The following COL26A1 variants were observed in gnomAD, a reference collection of about 807,000 sequenced individuals.
The protein encoded by COL26A1 is collagen alpha-1(XXVI) chain.
A neutral mutation model predicts 59.3 loss-of-function variants in COL26A1; 41 were observed. The ratio of observed to expected loss-of-function variants is 0.69; its 90% confidence interval spans 0.54 to 0.90. COL26A1 has a LOEUF of 0.90. Among genes scored for constraint, COL26A1 ranks in the 40% least tolerant of loss-of-function variants. The probability of loss-of-function intolerance (pLI) is 0.00; values close to 1 mark genes in which losing one functional copy is unlikely to be tolerated. For synonymous variants in COL26A1, 266 were observed against 256.0 expected, an observed-to-expected ratio of 1.04 and a Z score of -0.37; for missense variants, 612 against 602.3, an observed-to-expected ratio of 1.02 and a Z score of -0.17.
chr7:101,534,953 T>C (rs1418144354), intron 4 of COL26A1, among the ~76,000 whole-genome samples: 3 of 152,170 alleles, frequency 2.0e-5, no homozygotes, highest in Non-Finnish European at 4.4e-5. Flanking sequence ...AGTCAAGGAT[T>C]AGTGCTGTCA....
chr7:101,404,667 A>G (rs953709661), intron 1 of COL26A1, among the ~76,000 whole-genome samples: 1 of 152,018 alleles, frequency 6.6e-6, no homozygotes, highest in African/African-American at 2.4e-5. Flanking sequence ...AGGCTGAAGT[A>G]GGAGGATTGC....
At chr7:101,369,282 C>G (rs1401009180) in intron 1 of COL26A1, among the ~76,000 whole-genome samples, 1 of 151,738 alleles carries the variant, frequency 6.6e-6, no homozygotes, top group Non-Finnish European at 1.5e-5. Flanking sequence ...TGGCGCATGC[C>G]TGTAATCCCA....
intron 3 of COL26A1, among the ~76,000 whole-genome samples, chr7:101,478,192 G>T (rs1794089615): frequency 6.6e-6 from 1 of 152,040 alleles, no homozygotes; most frequent in South Asian, 2.1e-4. Flanking sequence ...TGTTAGCTAG[G>T]CTGGTCTTGA....
At chr7:101,460,231 G>A (rs890159886) in intron 3 of COL26A1, among the ~76,000 whole-genome samples, 3 of 152,100 alleles carry the variant, frequency 2.0e-5, no homozygotes, top group African/African-American at 7.2e-5. Context: ...AGAGTGTGCA[G>A]GGGCCAGAGG....
chr7:101,513,499 G>T (rs531066059), intron 3 of COL26A1, among the ~76,000 whole-genome samples: 1 of 151,022 alleles, frequency 6.6e-6, no homozygotes, highest in East Asian at 2.0e-4. Context: ...GCTAATTTTT[G>T]TATTTTTGTA....
At chr7:101,540,197 A>G in intron 5 of COL26A1, 148 bp downstream of exon 5, 1 of 841,998 alleles carries the variant, frequency 1.2e-6, no homozygotes, top group South Asian at 2.1e-5. Context: ...TAACAGTTGA[A>G]AATGGGTATT....
chr7:101,444,153 CAGGTGT>C (rs1793127586), intron 2 of COL26A1, among the ~76,000 whole-genome samples: 1 of 152,050 alleles, frequency 6.6e-6, no homozygotes, highest in East Asian at 1.9e-4. Context: ...GCTAGGACTA[CAGGTGT>C]AACCCCTACT....
intron 3 of COL26A1, among the ~76,000 whole-genome samples, chr7:101,519,565 C>T (rs1452283691): frequency 6.6e-5 from 10 of 152,190 alleles, no homozygotes; most frequent in Non-Finnish European, 2.9e-5. Flanking sequence ...TATGCATGTG[C>T]ACCTTCTGAG....
chr7:101,545,637 C>G, intron 7 of COL26A1, 147 bp downstream of exon 7: 1 of 760,032 alleles, frequency 1.3e-6, no homozygotes, highest in Non-Finnish European at 2.0e-6. Context: ...CAGGCCTCCT[C>G]CAGGAAGCCC....
Position 101,489,671 on chromosome 7 carries a change from TCCTTCCTTC to T in COL26A1, c.385+41886_385+41894del, listed in dbSNP as rs1168696802. ...TTTCTTTCTTTCTTTCTTCCTTCCTTCCTTCCTTCCTTTCTTTCTTTCTTTCTGTCTTTC... is the reference window on the plus strand; with the variant it reads ...TTTCTTTCTTTCTTTCTTCCTTCCTTCTTTCTTTCTTTCTTTCTGTCTTTC... On this transcript the variant is annotated intron_variant, in intron 3 of 12. Transcript: ENST00000313669. Among the ~76,000 whole-genome samples the T allele has an allele frequency of 4.3e-4, 22 of 51,376 alleles. 3 individuals carry two copies. The highest frequency in any genetic ancestry group is 3.2e-3 in the African/African-American group (16 of 5,008). The allele number at this position is 51,376 out of a possible 152,430, so 33.7% of individuals were successfully genotyped here.
At chr7:101,460,176 T>C (rs6973489) in intron 3 of COL26A1, among the ~76,000 whole-genome samples, 93,708 of 151,966 alleles carry the variant, frequency 0.62, 30,433 homozygotes, top group African/African-American at 0.82. Context: ...CATTGATGAA[T>C]AAGGGACTTC....
At chr7:101,375,666 C>T (rs547593289) in intron 1 of COL26A1, among the ~76,000 whole-genome samples, 63 of 150,562 alleles carry the variant, frequency 4.2e-4, no homozygotes, top group Middle Eastern at 6.9e-3. Flanking sequence ...ATAGCAAGAC[C>T]CCATATCTAC....
chr7:101,382,262 T>G (rs1791466865), intron 1 of COL26A1, among the ~76,000 whole-genome samples: 1 of 152,170 alleles, frequency 6.6e-6, no homozygotes, highest in South Asian at 2.1e-4. Context: ...TTGTCCAGGC[T>G]GGTCTCAAAT....
At chr7:101,409,917 C>T (rs1049937553) in intron 1 of COL26A1, among the ~76,000 whole-genome samples, 6 of 152,088 alleles carry the variant, frequency 3.9e-5, no homozygotes, top group African/African-American at 7.2e-5. Flanking sequence ...CCCACCACCA[C>T]GCCCGGCTAA....
chr7:101,467,381 G>C lies in COL26A1; in HGVS notation c.385+19594G>C, dbSNP rs989725409. On this transcript the variant is annotated intron_variant, in intron 3 of 12. Transcript: ENST00000313669. ...CAGGGCGGGGGGAGGATGGGGGGTG[G>C]TTTATAGATGAGCCTGAAGAGGCAG... is the stretch of plus-strand genomic sequence containing the variant. Among the ~76,000 whole-genome samples, 9 of 151,170 alleles carry C rather than the reference G, an allele frequency of 6.0e-5. 2 individuals are homozygous for C.
At chr7:101,477,740 C>G (rs995504790) in intron 3 of COL26A1, among the ~76,000 whole-genome samples, 1 of 152,124 alleles carries the variant, frequency 6.6e-6, no homozygotes, top group Non-Finnish European at 1.5e-5. Context: ...TTCTTTGAGA[C>G]TTTGAACCTA....
chr7:101,389,033 G>C (rs10250535), intron 1 of COL26A1: 13,494 of 268,828 alleles, frequency 0.05, 838 homozygotes, highest in African/African-American at 0.16. Context: ...TGAGGTGACC[G>C]TTTTTCACCT....
chr7:101,479,414 C>T (rs929538694), intron 3 of COL26A1, among the ~76,000 whole-genome samples: 1 of 152,186 alleles, frequency 6.6e-6, no homozygotes, highest in African/African-American at 2.4e-5. Context: ...TCTGGGTTGA[C>T]AGTTATATTT....
At chr7:101,446,046 CAAAAAAAAAA>C (rs60343304) in intron 2 of COL26A1, among the ~76,000 whole-genome samples, 21 of 50,994 alleles carry the variant, frequency 4.1e-4, no homozygotes, top group Non-Finnish European at 6.4e-4. Context: ...GACTCCGTCT[CAAAAAAAAAA>C]AAAAAAAAAA....
Sources: allele counts gnomAD v4.1 joint callset (sites outside exome capture counted in the v4.1 genomes callset), GRCh38; gene constraint gnomAD v4.1.1; transcripts MANE v1.5; gene names NCBI Gene and HGNC (gene_info 2026-07-23, HGNC 2026-07-21).